Variants in CLIP1 observed in about 807,000 individuals in gnomAD.
The protein encoded by CLIP1 is CAP-Gly domain-containing linker protein 1.
In CLIP1, 66 loss-of-function variants were observed where a neutral mutation model predicts 161.6. The ratio of observed to expected loss-of-function variants is 0.41; its 90% CI spans 0.33 to 0.50. The LOEUF (loss-of-function observed/expected upper bound fraction) is 0.50. CLIP1 is among the 20% of genes least tolerant of loss of function. The pLI, the probability that CLIP1 is intolerant of heterozygous loss-of-function variation, is 0.27. For synonymous variants in CLIP1, 598 were observed against 626.2 expected (o/e 0.96, Z 0.67); for missense variants, 1,376 against 1,702.0 (o/e 0.81, Z 3.37).
intron 1 of CLIP1, among the ~76,000 whole-genome samples, chr12:122,418,750 G>A (rs1397451492): frequency 1.3e-5 from 2 of 151,990 alleles, no homozygotes; most frequent in African/African-American, 2.4e-5. Context: ...GTGACAGAGC[G>A]AGACCCTGTG....
At position 122,323,123 on chromosome 12, in the gene CLIP1, C is replaced by T. The variant is rs762479158; in HGVS notation, c.3250-3775G>A. 2.6e-5 allele frequency: 4 copies of T among 152,606 alleles called. No homozygotes were observed. Among genetic ancestry groups the T allele is most frequent in the African/African-American group, 9.7e-5 (4 of 41,434 alleles). 9.5% of individuals were successfully genotyped at this position (152,606 alleles called of 1,614,324 possible). On this transcript the variant is annotated intron_variant, in intron 17 of 25. Transcript: ENST00000620786. This position sits in a 1 kb window ranked among gnomAD's most constrained non-coding sequence, Gnocchi z 4.1. Reference sequence around the variant, plus strand: ...TCCTATGGCTTTGATGGAATTCTCTCTCTCTGCAAGTAAAGCTCCATTTTG... The same window carrying T: ...TCCTATGGCTTTGATGGAATTCTCTTTCTCTGCAAGTAAAGCTCCATTTTG...
intron 1 of CLIP1, among the ~76,000 whole-genome samples, chr12:122,392,383 G>A (rs1209395634): frequency 6.6e-6 from 1 of 152,106 alleles, no homozygotes; most frequent in African/African-American, 2.4e-5. Context: ...CTTTTAATAA[G>A]CAATCCCCTA....
intron 24 of CLIP1, chr12:122,275,951 GACA>G (rs1955409352): frequency 6.6e-6 from 1 of 152,560 alleles, no homozygotes; most frequent in Admixed American, 6.5e-5. Context: ...GGGCAGTGGG[GACA>G]ACAAGATGGC....
chr12:122,341,465 C>A lies in CLIP1; in HGVS notation c.1739G>T (p.Arg580Leu), dbSNP rs1050623431. The change falls in exon 11 of 26, where the codon CGG becomes CTG. Residue 580 changes from arginine to leucine, a missense_variant. By Grantham distance (102) the Arg-to-Leu change is moderately radical (BLOSUM62 -2). Transcript: ENST00000620786. ...ITSLKEHFGA[R>L]EETHQKEIKA... is the part of the protein sequence containing the mutation. ...TATCTCCTTCTGATGAGTTTCTTCC[C>A]GGGCTCCAAAATGCTCCTTCAGAGA... The A allele has an allele frequency of 6.2e-7, 1 of 1,613,262 alleles. No homozygotes were observed. The highest frequency in any genetic ancestry group is 8.5e-7 in the Non-Finnish European group (1 of 1,179,454).
At chr12:122,369,601 G>A (rs1247046675) in intron 3 of CLIP1, among the ~76,000 whole-genome samples, 2 of 151,730 alleles carry the variant, frequency 1.3e-5, no homozygotes, top group Non-Finnish European at 2.9e-5. Flanking sequence ...CTTTCATGGA[G>A]GTTAAATTCT....
At chr12:122,357,559 G>C (rs1441974619) in intron 5 of CLIP1, among the ~76,000 whole-genome samples, 27 of 74,854 alleles carry the variant, frequency 3.6e-4, no homozygotes, top group African/African-American at 1.4e-3. Context: ...AGGGAGGTGG[G>C]GGGGGTCAGC....
At chr12:122,389,758 CAAAAAAAAAAAAAAAA>C (rs57168188) in intron 1 of CLIP1, among the ~76,000 whole-genome samples, 1 of 69,316 alleles carries the variant, frequency 1.4e-5, no homozygotes, top group Non-Finnish European at 2.6e-5. Flanking sequence ...GATCCTGTCT[CAAAAAAAAAAAAAAAA>C]AAAAAAAAAG....
At chr12:122,330,605 T>TTTTG (rs1951908714) in intron 15 of CLIP1, among the ~76,000 whole-genome samples, 1 of 139,876 alleles carries the variant, frequency 7.1e-6, no homozygotes, top group Admixed American at 7.0e-5. Context: ...CAGTTTTTTT[T>TTTTG]TTTTTTTTTT....
In CLIP1 at chr12:122,361,218, T is replaced by G. The variant is rs756266357; in HGVS notation, c.783-37A>C. ...AATAAGAACAATAACAAAAAACAAC[T>G]TAATCACAAGAAATAATAACTATAA... is the stretch of plus-strand genomic sequence containing the variant. On this transcript the variant is annotated intron_variant, in intron 4 of 25. Transcript: ENST00000620786. The G allele has an allele frequency of 3.3e-6, 5 of 1,504,010 alleles. No homozygotes were observed. In the South Asian group the frequency reaches 5.9e-5, roughly 18 times the overall value. The allele number at this position is 1,504,010 out of a possible 1,614,324, so 93.2% of individuals were successfully genotyped here.
intron 1 of CLIP1, among the ~76,000 whole-genome samples, chr12:122,382,623 C>G (rs1955059502): frequency 6.6e-6 from 1 of 151,034 alleles, no homozygotes; most frequent in African/African-American, 2.4e-5. Context: ...GGAGAATTGG[C>G]TGAACCCAGG....
intron 1 of CLIP1, among the ~76,000 whole-genome samples, chr12:122,401,444 T>C (rs1258083905): frequency 6.6e-6 from 1 of 151,710 alleles, no homozygotes; most frequent in African/African-American, 2.4e-5. Flanking sequence ...GGCGGGCAGA[T>C]CACTTGAGGT....
chr12:122,313,857 C>A (rs1951160830), intron 19 of CLIP1, among the ~76,000 whole-genome samples: 1 of 152,034 alleles, frequency 6.6e-6, no homozygotes, highest in Non-Finnish European at 1.5e-5. Flanking sequence ...GTAATGACCG[C>A]AACAAAAGAC....
chr12:122,272,955 C>A lies in CLIP1; in HGVS notation c.4237G>T (p.Gly1413Cys). The A allele has an allele frequency of 6.2e-7, 1 of 1,614,174 alleles. No individual in the cohort carries two copies. The highest frequency in any genetic ancestry group is 8.5e-7 in the Non-Finnish European group (1 of 1,180,044). Residue 1413 changes from glycine (G) to cysteine (C), a missense_variant, in exon 26 of 26, where the codon GGT (glycine) becomes TGT (cysteine). Physicochemically the swap from Gly to Cys is radical, Grantham distance 159. Coordinates refer to ENST00000620786, the MANE Select transcript of CLIP1 (RefSeq NM_001247997.2). ...ATTTCACAGTATGGGCGTTCCTCACCCCGACTGCCATGGTGTGTGGAATGG... is the reference window on the plus strand; with the variant it reads ...ATTTCACAGTATGGGCGTTCCTCACACCGACTGCCATGGTGTGTGGAATGG... ...PPHSTHHGSR[G>C]EERPYCEICE... is the part of the protein sequence containing the mutation.
chr12:122,296,210 C>T (rs1950462660), intron 20 of CLIP1, among the ~76,000 whole-genome samples: 1 of 152,100 alleles, frequency 6.6e-6, no homozygotes, highest in Non-Finnish European at 1.5e-5. Context: ...TGAGAATGAA[C>T]TGACTATAAA....
At chr12:122,337,763 C>G (rs1160811305) in intron 11 of CLIP1, among the ~76,000 whole-genome samples, 1 of 152,118 alleles carries the variant, frequency 6.6e-6, no homozygotes, top group Non-Finnish European at 1.5e-5. Context: ...CGCCTGTAAT[C>G]CCAGCACTTT....
chr12:122,390,298 A>ATATATGTATATATATATATATG (rs1955592688), intron 1 of CLIP1, among the ~76,000 whole-genome samples: 1 of 131,038 alleles, frequency 7.6e-6, no homozygotes, highest in African/African-American at 2.9e-5. Context: ...ATATATATAT[A>ATATATGTATATATATATATATG]TATATGTATA....
chr12:122,304,958 T>G (rs1258036854), intron 20 of CLIP1, among the ~76,000 whole-genome samples: 1 of 152,244 alleles, frequency 6.6e-6, no homozygotes, highest in African/African-American at 2.4e-5. Flanking sequence ...CAGGTGACTA[T>G]TCATGATCAA....
At chr12:122,352,887 G>C (rs1953114763) in intron 7 of CLIP1, 101 bp from the exon 8 acceptor site, 1 of 971,972 alleles carries the variant, frequency 1.0e-6, no homozygotes, top group Non-Finnish European at 1.6e-6. Flanking sequence ...GGCATGGTAG[G>C]CCACTCCTAT....
intron 17 of CLIP1, chr12:122,322,135 G>C (rs1316736529): frequency 6.6e-6 from 1 of 152,530 alleles, no homozygotes; most frequent in East Asian, 1.9e-4. Context: ...GAAGAGTCTC[G>C]AGCTCTCTAA....
Sources: gnomAD v4.1 joint callset for allele counts (sites outside exome capture counted in the v4.1 genomes callset) on GRCh38, gnomAD v4.1.1 for gene constraint, Gnocchi (gnomAD v3.1) non-coding constraint, MANE v1.5 for transcripts, NCBI Gene and HGNC (gene_info 2026-07-23, HGNC 2026-07-21) for gene names.